Variants in CCDC148 observed in about 807,000 individuals in gnomAD.
The protein encoded by CCDC148 is coiled-coil domain containing 148.
A neutral mutation model predicts 85.7 loss-of-function variants in CCDC148; 89 were observed. The ratio of observed to expected loss-of-function variants is 1.04; its 90% CI spans 0.87 to 1.24. CCDC148 has a LOEUF of 1.24. Among genes scored for constraint, CCDC148 ranks in the 50% most tolerant of loss-of-function variants. CCDC148 has a pLI of 0.00. For synonymous variants in CCDC148, 230 were observed against 213.9 expected, an observed-to-expected ratio of 1.08 and a Z score of -0.66; for missense variants, 692 against 671.7, an observed-to-expected ratio of 1.03 and a Z score of -0.33.
intron 10 of CCDC148, among the ~76,000 whole-genome samples, chr2:158,231,200 G>C (rs910077634): frequency 6.6e-6 from 1 of 152,120 alleles, no homozygotes; most frequent in Non-Finnish European, 1.5e-5. Context: ...ATGTGAACAG[G>C]AAAGAGAATG....
At chr2:158,396,593 G>A (rs1685532598) in intron 1 of CCDC148, among the ~76,000 whole-genome samples, 4 of 152,022 alleles carry the variant, frequency 2.6e-5, no homozygotes, top group Admixed American at 2.0e-4. Flanking sequence ...TTTGAATACC[G>A]ATTCTCCATG....
rs183736036 is a variant in CCDC148 at position 158,282,468 on chromosome 2, T to A, written c.1110+26965A>T. On this transcript the variant is annotated intron_variant, in intron 9 of 13. Coordinates refer to ENST00000283233, the MANE Select transcript of CCDC148 (RefSeq NM_138803.4). The stretch of plus-strand genomic sequence containing the variant: ...AATCAATGTACAAAAATCACAAGCA[T>A]TCCCATACACCAATAACAGACCAAC... Among the ~76,000 whole-genome samples the A allele has an allele frequency of 9.6e-3, 1,459 of 152,260 alleles. 19 individuals are homozygous for A. Among genetic ancestry groups the A allele is most frequent in the African/African-American group, 0.033 (1,352 of 41,530 alleles).
chr2:158,326,529 A>ATATC (rs1225722657), intron 7 of CCDC148, among the ~76,000 whole-genome samples: 2 of 152,188 alleles, frequency 1.3e-5, no homozygotes, highest in Non-Finnish European at 2.9e-5. Context: ...TACGAAGGAT[A>ATATC]AGTCAGTCAT....
intron 9 of CCDC148, among the ~76,000 whole-genome samples, chr2:158,263,198 A>G (rs1689305412): frequency 6.6e-6 from 1 of 152,074 alleles, no homozygotes; most frequent in Non-Finnish European, 1.5e-5. Flanking sequence ...AGTTTAGAAT[A>G]CAATAAGACT....
At chr2:158,295,446 C>T (rs149547629) in intron 9 of CCDC148, among the ~76,000 whole-genome samples, 6,277 of 152,032 alleles carry the variant, frequency 0.041, 198 homozygotes, top group East Asian at 0.14. Context: ...GACCAATATC[C>T]TTGATGAACA....
chr2:158,274,445 G>A (rs768564085), intron 9 of CCDC148, among the ~76,000 whole-genome samples: 10 of 152,250 alleles, frequency 6.6e-5, no homozygotes, highest in Non-Finnish European at 1.3e-4. Flanking sequence ...AAACATAGGT[G>A]CAAGCAACTG....
At chr2:158,360,399 G>C (rs1312194148) in intron 1 of CCDC148, among the ~76,000 whole-genome samples, 2 of 152,150 alleles carry the variant, frequency 1.3e-5, no homozygotes, top group Non-Finnish European at 2.9e-5. Context: ...AGCAGGGGCA[G>C]ACAGACATCT....
At chr2:158,221,708 A>T (rs1479407068) in intron 10 of CCDC148, among the ~76,000 whole-genome samples, 1 of 152,228 alleles carries the variant, frequency 6.6e-6, no homozygotes, top group East Asian at 1.9e-4. Flanking sequence ...CAAAAGAAGC[A>T]TCCCAAGCAC....
chr2:158,197,160 C>T (rs770700636), intron 11 of CCDC148, among the ~76,000 whole-genome samples: 1 of 152,086 alleles, frequency 6.6e-6, no homozygotes, highest in Non-Finnish European at 1.5e-5. Flanking sequence ...TCTCTGTTTC[C>T]ACTCACAATA....
At chr2:158,211,481 T>C (rs759722963) in intron 11 of CCDC148, among the ~76,000 whole-genome samples, 2 of 152,238 alleles carry the variant, frequency 1.3e-5, no homozygotes, top group Non-Finnish European at 2.9e-5. Flanking sequence ...GTCTGACCTT[T>C]ACCAGACACA....
At chr2:158,231,646 A>G (rs971686813) in intron 10 of CCDC148, among the ~76,000 whole-genome samples, 1 of 152,114 alleles carries the variant, frequency 6.6e-6, no homozygotes. Context: ...TTATTTGTGT[A>G]TTCTTAACAC....
At chr2:158,409,390 C>T (rs1686163053) in intron 1 of CCDC148, among the ~76,000 whole-genome samples, 1 of 152,226 alleles carries the variant, frequency 6.6e-6, no homozygotes, top group African/African-American at 2.4e-5. Flanking sequence ...GAGCCTACCT[C>T]TTGCATCAGT....
intron 9 of CCDC148, among the ~76,000 whole-genome samples, chr2:158,287,600 G>A (rs1690688033): frequency 6.6e-6 from 1 of 152,206 alleles, no homozygotes; most frequent in Admixed American, 6.5e-5. Context: ...TTTGACTCCT[G>A]TCTCAAATCC....
At chr2:158,317,515 C>G (rs1692336482) in intron 7 of CCDC148, among the ~76,000 whole-genome samples, 1 of 152,150 alleles carries the variant, frequency 6.6e-6, no homozygotes, top group African/African-American at 2.4e-5. Context: ...AAAACAACAA[C>G]AGAGCTGTAA....
In CCDC148 at chr2:158,214,417, T is replaced by C. The variant is rs146580659; in HGVS notation, c.1370+6178A>G. ...GAAATTAGGTAATAAAAACACAATA[T>C]TTCAAACTTTGTAGAATATGGCCAA... On this transcript the variant is annotated intron_variant, in intron 11 of 13. Transcript: ENST00000283233. 2.2e-4 allele frequency among the ~76,000 whole-genome samples: 34 copies of C among 152,224 alleles called. No homozygotes were observed. In the East Asian group the frequency reaches 6.6e-3, roughly 29 times the overall value.
At chr2:158,304,767 A>G (rs1419316477) in intron 9 of CCDC148, among the ~76,000 whole-genome samples, 1 of 152,216 alleles carries the variant, frequency 6.6e-6, no homozygotes, top group East Asian at 1.9e-4. Context: ...GCAATAAATT[A>G]GCCTGAAATT....
intron 10 of CCDC148, among the ~76,000 whole-genome samples, chr2:158,238,168 G>A (rs1191279071): frequency 6.6e-6 from 1 of 152,098 alleles, no homozygotes; most frequent in African/African-American, 2.4e-5. Flanking sequence ...GTAGTTTATA[G>A]ATGAAGGTCA....
At chr2:158,240,452 T>TCTCTCTCA (rs941238898) in intron 10 of CCDC148, among the ~76,000 whole-genome samples, 3,530 of 120,446 alleles carry the variant, frequency 0.029, 76 homozygotes, top group South Asian at 0.067. Context: ...TCTCTCTCTC[T>TCTCTCTCA]CACACACACA....
rs550476450 is a variant in CCDC148, at chr2:158,329,096, A to G, written c.764+9630T>C. Among the ~76,000 whole-genome samples the G allele has an allele frequency of 2.6e-5, 4 of 152,236 alleles. No individual in the cohort carries two copies. The South Asian group carries it at 6.2e-4, about 24-fold the overall frequency. ...GGACATGAAGTCCTTGCCCATGCCT[A>G]TGTCCTGAATGGTATTGCCTAGGTT... On this transcript the variant is annotated intron_variant, in intron 7 of 13. Transcript: ENST00000283233.
Sources: gnomAD v4.1 joint callset for allele counts (sites outside exome capture counted in the v4.1 genomes callset) on GRCh38, gnomAD v4.1.1 for gene constraint, MANE v1.5 for transcripts, NCBI Gene and HGNC (gene_info 2026-07-23, HGNC 2026-07-21) for gene names.